TUBA1C: variants seen among roughly 807,000 people sequenced by gnomAD.
TUBA1C encodes the protein tubulin alpha-1C chain.
Under a neutral mutation model 34.9 loss-of-function variants are expected in TUBA1C, and 16 were observed. The ratio of observed to expected loss-of-function variants is 0.46; its 90% confidence interval spans 0.31 to 0.70. The LOEUF is 0.70. Among genes scored for constraint, TUBA1C ranks in the 30% least tolerant of loss-of-function variants. The pLI is 0.05. For synonymous variants in TUBA1C, 177 were observed against 215.9 expected (o/e 0.82, Z 1.58); for missense variants, 329 against 587.3 (o/e 0.56, Z 4.55).
At chr12:49,265,229 G>A (rs1050400282) in intron 1 of TUBA1C, 45 bp downstream of exon 1, 20 of 1,548,922 alleles carry the variant, frequency 1.3e-5, no homozygotes, top group Admixed American at 1.7e-5. Context: ...CGCGTCCCAG[G>A]GGACGGCGGG....
At chr12:49,271,297 C>G (rs1266164905) in intron 3 of TUBA1C, among the ~76,000 whole-genome samples, 1 of 152,246 alleles carries the variant, frequency 6.6e-6, no homozygotes, top group Admixed American at 6.5e-5. Context: ...GAGTTTACAA[C>G]AGAATACTTT....
chr12:49,245,239 C>A (rs1942655221), intron 1 of TUBA1C, among the ~76,000 whole-genome samples: 1 of 152,062 alleles, frequency 6.6e-6, no homozygotes, highest in South Asian at 2.1e-4. Context: ...AAAAAAATTA[C>A]AAAGGTGGAA....
chr12:49,264,809 TTCCTCCC>T (rs1942879247), upstream of TUBA1C: 4 of 90,160 alleles, frequency 4.4e-5, no homozygotes, highest in African/African-American at 1.8e-4. Context: ...CTTCCTCCCC[TTCCTCCC>T]CTTCCTCCCC....
chr12:49,266,059 G>A (rs1858844384), intron 1 of TUBA1C, among the ~76,000 whole-genome samples: 3 of 149,418 alleles, frequency 2.0e-5, no homozygotes, highest in Non-Finnish European at 4.4e-5. Context: ...GAACCCAGGA[G>A]GCGTAGGTTT....
rs1313940313 is a variant in TUBA1C at position 49,245,017 on chromosome 12, C to T, written c.213+16851C>T. ...CATCAAGTACACAGTGACTAAGTGG[C>T]AGAGCTATAATTCAGCCCAGGCCTG... is the stretch of plus-strand genomic sequence containing the variant. On this transcript the variant is annotated intron_variant, in intron 1 of 3. Coordinates refer to the TUBA1C transcript ENST00000541364. Among the ~76,000 whole-genome samples the T allele has an allele frequency of 5.9e-5, 9 of 152,242 alleles. No individual in the cohort carries two copies. The East Asian group carries it at 1.7e-3, about 29-fold the overall frequency.
At chr12:49,271,971 CTTT>C (rs113867895) in intron 3 of TUBA1C, among the ~76,000 whole-genome samples, 1 of 143,628 alleles carries the variant, frequency 7.0e-6, no homozygotes, top group Non-Finnish European at 1.5e-5. Context: ...CACTTAAAAG[CTTT>C]TTTTTTTTTT....
chr12:49,264,827 TTCCTCCCCTTCCTCCCCTTCCTCCC>T, upstream of TUBA1C: 1 of 105,842 alleles, frequency 9.4e-6, no homozygotes, highest in Non-Finnish European at 2.0e-5. Flanking sequence ...CTTCCTCCCC[TTCCTCCCCTTCCTCCCCTTCCTCCC>T]CTTCCTCCCC....
intron 3 of TUBA1C, among the ~76,000 whole-genome samples, chr12:49,271,255 A>G (rs1942988841): frequency 6.6e-6 from 1 of 152,220 alleles, no homozygotes; most frequent in East Asian, 1.9e-4. Context: ...GAGAATGTTC[A>G]CAAATCTGAG....
chr12:49,250,440 C>T (rs1350242572), intron 1 of TUBA1C, among the ~76,000 whole-genome samples: 1 of 148,422 alleles, frequency 6.7e-6, no homozygotes, highest in Admixed American at 6.9e-5. Context: ...AGGAGAATAG[C>T]GTGAACCTGG....
chr12:49,267,993 T>A (rs11168952), intron 1 of TUBA1C, among the ~76,000 whole-genome samples: 4,831 of 152,326 alleles, frequency 0.032, 109 homozygotes, highest in African/African-American at 0.061. Context: ...TTATTTTACT[T>A]AGCAGGTGTG....
chr12:49,230,882 G>A (rs555022571), intron 1 of TUBA1C, among the ~76,000 whole-genome samples: 1 of 152,160 alleles, frequency 6.6e-6, no homozygotes, highest in Non-Finnish European at 1.5e-5. Context: ...TGTGACTTGG[G>A]TAATGTTTTG....
intron 1 of TUBA1C, among the ~76,000 whole-genome samples, chr12:49,235,278 TGTTA>T (rs757955808): frequency 2.6e-5 from 4 of 150,992 alleles, no homozygotes; most frequent in Non-Finnish European, 5.9e-5. Flanking sequence ...TTCCCCTTCC[TGTTA>T]GTTCCAGATT....
At chr12:49,235,732 CAAAA>C (rs567880656) in intron 1 of TUBA1C, among the ~76,000 whole-genome samples, 1 of 67,244 alleles carries the variant, frequency 1.5e-5, no homozygotes, top group East Asian at 5.0e-4. Context: ...GACTCGGTCT[CAAAA>C]AAAAAAAAAA....
In TUBA1C at chr12:49,272,266, C is replaced by G. The variant is rs1314020813; in HGVS notation, c.389C>G (p.Thr130Ser). 9.3e-6 allele frequency: 15 copies of G among 1,610,884 alleles called. No homozygotes were observed. Among genetic ancestry groups the G allele is most frequent in the Non-Finnish European group, 1.2e-5 (14 of 1,178,516 alleles). ...DRIRKLADQC[T>S]GLQGFLVFHS... The stretch of plus-strand genomic sequence containing the variant: ...TTTATTTTGCAGGCTGACCAGTGCA[C>G]CGGTCTTCAGGGCTTCTTGGTTTTC... Residue 130 changes from threonine to serine, a missense_variant, in exon 4 of 4, where the codon ACC (threonine) becomes AGC (serine). Coordinates refer to ENST00000301072, the MANE Select transcript of TUBA1C (RefSeq NM_032704.5).
intron 1 of TUBA1C, among the ~76,000 whole-genome samples, chr12:49,236,019 T>C (rs891487262): frequency 3.3e-5 from 5 of 152,224 alleles, no homozygotes; most frequent in African/African-American, 9.6e-5. Context: ...CTGATTTTGC[T>C]GAATGGGAGG....
intron 1 of TUBA1C, among the ~76,000 whole-genome samples, chr12:49,266,126 T>C (rs1307582254): frequency 2.0e-5 from 3 of 146,648 alleles, no homozygotes; most frequent in African/African-American, 7.6e-5. Context: ...CGAAACTGTC[T>C]CAAAAAAACG....
intron 3 of TUBA1C, 156 bp downstream of exon 3, chr12:49,270,132 A>G (rs1369492031): frequency 6.8e-7 from 1 of 1,472,022 alleles, no homozygotes; most frequent in Non-Finnish European, 9.3e-7. Flanking sequence ...GAACCAGATG[A>G]TCTTGGATTT....
intron 1 of TUBA1C, among the ~76,000 whole-genome samples, chr12:49,240,953 G>A (rs1324314783): frequency 6.6e-6 from 1 of 152,060 alleles, no homozygotes; most frequent in Non-Finnish European, 1.5e-5. Flanking sequence ...CCAGGCTGGA[G>A]GGCAGTGGCG....
At chr12:49,232,469 G>C (rs1170225757) in intron 1 of TUBA1C, among the ~76,000 whole-genome samples, 2 of 152,204 alleles carry the variant, frequency 1.3e-5, no homozygotes, top group Non-Finnish European at 2.9e-5. Context: ...GATGCTCCAA[G>C]TGCTTGGGGA....
Sources: allele counts gnomAD v4.1 joint callset (sites outside exome capture counted in the v4.1 genomes callset), GRCh38; gene constraint gnomAD v4.1.1; transcripts MANE v1.5; gene names NCBI Gene and HGNC (gene_info 2026-07-23, HGNC 2026-07-21).